The following SI variants were observed in gnomAD, a reference collection of about 807,000 sequenced individuals.
SI encodes sucrase-isomaltase.
In SI, 235 loss-of-function variants were observed where a neutral mutation model predicts 253.3. That is an observed-to-expected ratio of 0.93 (90% CI 0.83 to 1.03). The LOEUF (loss-of-function observed/expected upper bound fraction) is 1.03. Ranked by LOEUF, SI falls within the 50% of genes least tolerant of loss-of-function variation. The pLI, the probability that SI is intolerant of heterozygous loss-of-function variation, is 0.00. For missense variants in SI, 2,442 were observed against 2,211.1 expected, an observed-to-expected ratio of 1.10 and a Z score of -2.09; for synonymous variants, 819 against 712.0, an observed-to-expected ratio of 1.15 and a Z score of -2.39.
chr3:165,036,762 A>T (rs1712555902), intron 21 of SI, among the ~76,000 whole-genome samples: 1 of 151,888 alleles, frequency 6.6e-6, no homozygotes, highest in Non-Finnish European at 1.5e-5. Flanking sequence ...AATTGAAATA[A>T]TATAATATTT....
In SI at chr3:164,987,112, A is replaced by G. The variant is rs373561022; in HGVS notation, c.5197+26T>C. On this transcript the variant is annotated intron_variant, in intron 45 of 47. Transcript: ENST00000264382. ...TGTGATAGAATACGACATCAATTAA[A>G]TTTATCTACTAAATCGAGCACTCAC... 1.2e-5 allele frequency: 19 copies of G among 1,533,316 alleles called. No individual in the cohort carries two copies. The African/African-American group carries it at 1.8e-4, about 14-fold the overall frequency. 95.0% of individuals were successfully genotyped at this position (1,533,316 alleles called of 1,614,324 possible).
intron 18 of SI, 64 bp downstream of exon 18, chr3:165,040,875 CT>C: frequency 7.3e-7 from 1 of 1,361,312 alleles, no homozygotes; most frequent in Admixed American, 1.7e-5. Flanking sequence ...CTCCATTAAA[CT>C]TTTCTGTGTA....
In SI at chr3:164,987,218, T is replaced by A; in HGVS notation, c.5117A>T (p.Lys1706Ile). ...TGCAGCAACAATGAGCTTCATGTGT[T>A]TTTGTCGACTATAAGAAAGAAATAT... ...PAQNTFYSRQ[K>I]HMKLIVAADD... Residue 1706 changes from lysine (K) to isoleucine (I), a missense_variant, in exon 45 of 48, where the codon AAA becomes ATA. Physicochemically the swap from Lys to Ile is moderately radical, Grantham distance 102. Transcript: ENST00000264382. 1 of 1,613,136 alleles carries A rather than the reference T, an allele frequency of 6.2e-7. No individual in the cohort carries two copies. The highest frequency in any genetic ancestry group is 8.5e-7 in the Non-Finnish European group (1 of 1,179,278).
At chr3:165,012,554 G>T (rs115782229) in intron 34 of SI, among the ~76,000 whole-genome samples, 6 of 151,748 alleles carry the variant, frequency 4.0e-5, no homozygotes, top group Non-Finnish European at 2.9e-5. Flanking sequence ...TCAGCTTTCC[G>T]AGTAGCTGGG....
Position 165,021,295 on chromosome 3 carries a change from T to G in SI, c.3188A>C (p.Tyr1063Ser). 4.3e-6 allele frequency: 7 copies of G among 1,611,524 alleles called. No individual in the cohort carries two copies. In the South Asian group the frequency reaches 7.7e-5, roughly 18 times the overall value. The change falls in exon 27 of 48, where the codon TAT (tyrosine) becomes TCT (serine). Residue 1063 changes from tyrosine to serine, a missense_variant. Tyr to Ser is a moderately radical substitution (Grantham distance 144). Transcript: ENST00000264382. ...TPISTYEDRL[Y>S]DVEIKENPFG... Reference sequence around the variant, plus strand: ...AGGATTTTCCTTGATTTCCACATCATAAAGTCTGTCTTCATAAGTACTTAT... The same window carrying G: ...AGGATTTTCCTTGATTTCCACATCAGAAAGTCTGTCTTCATAAGTACTTAT...
Position 165,023,679 on chromosome 3 carries a change from G to A in SI, c.2990C>T (p.Ala997Val), listed in dbSNP as rs773208779. 2 of 1,610,866 alleles carry A rather than the reference G, an allele frequency of 1.2e-6. No individual in the cohort carries two copies. Among genetic ancestry groups the A allele is most frequent in the Non-Finnish European group, 1.7e-6 (2 of 1,177,876 alleles). Residue 997 changes from alanine to valine, a missense_variant, in exon 26 of 48, where the codon GCT becomes GTT. Physicochemically the swap from Ala to Val is moderately conservative, Grantham distance 64 (BLOSUM62 0). Transcript: ENST00000264382. ...SARYSSMGIT[A>V]DLQLNTANAR... Reference sequence around the variant, plus strand: ...ATTTGCAGTATTTAGTTGGAGGTCAGCTGTTATACCCATGGATGAATAGCG... The same window carrying A: ...ATTTGCAGTATTTAGTTGGAGGTCAACTGTTATACCCATGGATGAATAGCG...
chr3:165,004,457 C>T (rs1225141050), intron 37 of SI, among the ~76,000 whole-genome samples: 1 of 151,988 alleles, frequency 6.6e-6, no homozygotes, highest in Non-Finnish European at 1.5e-5. Context: ...AATATGCATC[C>T]AAAAGAAAGA....
chr3:164,989,380 GAAAGAAAGGAAGA>G (rs1717603892), intron 44 of SI, among the ~76,000 whole-genome samples: 1 of 79,428 alleles, frequency 1.3e-5, no homozygotes, highest in Non-Finnish European at 2.9e-5. Flanking sequence ...AAGGAAGAAA[GAAAGAAAGGAAGA>G]AAGAAAGAAA....
chr3:165,010,829 A>G (rs1339305764), intron 34 of SI, among the ~76,000 whole-genome samples: 3 of 152,166 alleles, frequency 2.0e-5, no homozygotes, highest in Non-Finnish European at 2.9e-5. Context: ...GTAAATTGAC[A>G]CTGTCCTCCA....
rs1712930247 is a variant in SI at position 165,043,070 on chromosome 3, C to T, written c.1993G>A (p.Asp665Asn). The change falls in exon 17 of 48, where the codon GAC becomes AAC. Residue 665 changes from aspartate (D) to asparagine (N), a missense_variant. Asp to Asn is a conservative substitution (Grantham distance 23). Transcript: ENST00000264382. ...FYPFSRNHNS[D>N]GYEHQDPAFF... is the part of the protein sequence containing the mutation. ...CAAGAGGCTCTTACTTCATATCCGTCAGAATTATGGTTTCTGGAAAATGGA... is the reference window on the plus strand; with the variant it reads ...CAAGAGGCTCTTACTTCATATCCGTTAGAATTATGGTTTCTGGAAAATGGA... 6.2e-7 allele frequency: 1 copy of T among 1,600,500 alleles called. No homozygotes were observed. The highest frequency in any genetic ancestry group is 1.1e-5 in the South Asian group (1 of 90,802).
chr3:165,038,055 A>G, intron 20 of SI, 31 bp from the exon 21 acceptor site: 1 of 1,560,598 alleles, frequency 6.4e-7, no homozygotes, highest in South Asian at 1.1e-5. Flanking sequence ...AACATTCTTA[A>G]TATTATTGAA....
At chr3:165,034,912 G>A (rs1712449719) in intron 22 of SI, among the ~76,000 whole-genome samples, 1 of 152,060 alleles carries the variant, frequency 6.6e-6, no homozygotes, top group Admixed American at 6.6e-5. Context: ...AGAGCTACAG[G>A]CCAGTTAGGA....
chr3:165,081,353 A>T (rs115655471), upstream of SI, among the ~76,000 whole-genome samples: 1 of 152,138 alleles, frequency 6.6e-6, no homozygotes, highest in Non-Finnish European at 1.5e-5. Flanking sequence ...AAAGTGAATC[A>T]TAACTGGTGA....
At chr3:164,994,187 T>C in intron 41 of SI, 70 bp downstream of exon 41, 5 of 1,376,608 alleles carry the variant, frequency 3.6e-6, no homozygotes, top group Non-Finnish European at 5.2e-6. Context: ...TATTGCACTA[T>C]AAGAGATCAT....
chr3:164,981,745 A>T (rs887340335), intron 47 of SI, among the ~76,000 whole-genome samples: 4 of 152,122 alleles, frequency 2.6e-5, no homozygotes, highest in African/African-American at 7.2e-5. Context: ...TAGGCCTAAA[A>T]TTTTTTGTTC....
At chr3:165,004,905 G>T (rs1309185039) in intron 37 of SI, among the ~76,000 whole-genome samples, 1 of 152,060 alleles carries the variant, frequency 6.6e-6, no homozygotes, top group Non-Finnish European at 1.5e-5. Flanking sequence ...TCAAGGGAGC[G>T]ACCTGGTGGG....
chr3:165,061,697 A>G (rs1713992827), intron 9 of SI, among the ~76,000 whole-genome samples: 1 of 152,044 alleles, frequency 6.6e-6, no homozygotes, highest in African/African-American at 2.4e-5. Context: ...AATCATATAT[A>G]TCAACAGTGA....
intron 16 of SI, 59 bp from the exon 17 acceptor site, chr3:165,043,234 A>C (rs1712941551): frequency 3.7e-6 from 4 of 1,081,166 alleles, no homozygotes; most frequent in Non-Finnish European, 5.6e-6. Context: ...TGCCTAGAGC[A>C]TCACACTGTA....
intron 46 of SI, 88 bp from the exon 47 acceptor site, chr3:164,982,498 AT>A: frequency 1.1e-6 from 1 of 890,642 alleles, no homozygotes; most frequent in Non-Finnish European, 1.8e-6. Flanking sequence ...CCAAAAATGT[AT>A]TTCGTAGTAT....
Sources: gnomAD v4.1 joint callset for allele counts (sites outside exome capture counted in the v4.1 genomes callset) on GRCh38, gnomAD v4.1.1 for gene constraint, MANE v1.5 for transcripts, NCBI Gene and HGNC (gene_info 2026-07-23, HGNC 2026-07-21) for gene names.